The following ASXL3 variants were observed in gnomAD, a reference collection of about 807,000 sequenced individuals.
The protein encoded by ASXL3 is putative Polycomb group protein ASXL3.
ASXL3 carries 34 observed loss-of-function variants against 170.6 expected under a neutral mutation model. The ratio of observed to expected loss-of-function variants is 0.20; its 90% CI spans 0.15 to 0.27. The LOEUF (loss-of-function observed/expected upper bound fraction) is 0.27, where lower values mean the gene tolerates loss of function less well. Among genes scored for constraint, ASXL3 ranks in the 10% least tolerant of loss-of-function variants. The pLI is 1.00. For synonymous variants in ASXL3, 1,002 were observed against 989.1 expected (o/e 1.01, Z -0.24); for missense variants, 2,592 against 2,695.3 (o/e 0.96, Z 0.85).
intron 8 of ASXL3, among the ~76,000 whole-genome samples, chr18:33,691,246 C>A (rs990458209): frequency 2.0e-5 from 3 of 152,170 alleles, no homozygotes; most frequent in Non-Finnish European, 4.4e-5. Context: ...CATACAGTCC[C>A]CTCTCTGCCC....
chr18:33,737,881 C>T (rs2145409829), intron 10 of ASXL3, among the ~76,000 whole-genome samples: 1 of 152,128 alleles, frequency 6.6e-6, no homozygotes, highest in Non-Finnish European at 1.5e-5. Flanking sequence ...TTTCTTACAT[C>T]CTCTGAAAAC....
At chr18:33,718,854 T>TAATC (rs1406246322) in intron 8 of ASXL3, among the ~76,000 whole-genome samples, 1 of 152,040 alleles carries the variant, frequency 6.6e-6, no homozygotes, top group Non-Finnish European at 1.5e-5. Flanking sequence ...GTCCTTCCCA[T>TAATC]AATCAATGAA....
At position 33,750,348 on chromosome 18, in the gene ASXL3, A is replaced by G. The variant is rs1038149328; in HGVS notation, c.*3753A>G. The G allele has an allele frequency of 6.6e-6, 1 of 152,200 alleles. No homozygotes were observed. Among genetic ancestry groups the G allele is most frequent in the Non-Finnish European group, 1.5e-5 (1 of 68,028 alleles). The allele number at this position is 152,200 out of a possible 1,614,324, so 9.4% of individuals were successfully genotyped here. ...GAGCTGCTTTTTTATAGCACATACT[A>G]TTTCGCTTTGTACTATATTTGATAG... On this transcript the variant is annotated 3_prime_UTR_variant, in exon 12 of 12. Transcript: ENST00000269197.
intron 8 of ASXL3, among the ~76,000 whole-genome samples, chr18:33,697,542 C>T (rs1374875169): frequency 1.3e-5 from 2 of 152,102 alleles, no homozygotes; most frequent in South Asian, 2.1e-4. Flanking sequence ...GATTTGTGCT[C>T]AGTTTATAGT....
At chr18:33,640,072 ATTTATG>A (rs1437961313) in intron 2 of ASXL3, among the ~76,000 whole-genome samples, 1 of 151,994 alleles carries the variant, frequency 6.6e-6, no homozygotes, top group East Asian at 1.9e-4. Flanking sequence ...GATTATTCCC[ATTTATG>A]TTTATATTTT....
At chr18:33,638,190 A>G (rs2065798203) in intron 2 of ASXL3, among the ~76,000 whole-genome samples, 1 of 150,250 alleles carries the variant, frequency 6.7e-6, no homozygotes, top group South Asian at 2.1e-4. Flanking sequence ...TTATGTGTAT[A>G]TATATCTTAT....
Position 33,740,117 on chromosome 18 carries a change from A to G in ASXL3, c.2713A>G (p.Lys905Glu), listed in dbSNP as rs1201383994. The G allele has an allele frequency of 6.2e-7, 1 of 1,613,844 alleles. No homozygotes were observed. The highest frequency in any genetic ancestry group is 8.5e-7 in the Non-Finnish European group (1 of 1,179,866). The change falls in exon 11 of 12, where the codon AAG becomes GAG. Residue 905 changes from lysine to glutamate, a missense_variant. Lys to Glu is a moderately conservative substitution (Grantham distance 56). Transcript: ENST00000269197. The part of the protein sequence containing the change: ...NELPSAKLQD[K>E]QYISSVDKAP... ...GCTTCCATCTGCTAAATTACAGGACAAGCAATATATCTCATCAGTGGATAA... is the reference window on the plus strand; with the variant it reads ...GCTTCCATCTGCTAAATTACAGGACGAGCAATATATCTCATCAGTGGATAA...
At chr18:33,579,889 A>C (rs1350990747) in intron 1 of ASXL3, among the ~76,000 whole-genome samples, 1 of 152,210 alleles carries the variant, frequency 6.6e-6, no homozygotes, top group Non-Finnish European at 1.5e-5. Flanking sequence ...AACTGTAGTC[A>C]TTTTGAAAAG....
intron 8 of ASXL3, among the ~76,000 whole-genome samples, chr18:33,723,498 G>A (rs2067296316): frequency 6.6e-6 from 1 of 152,174 alleles, no homozygotes; most frequent in African/African-American, 2.4e-5. Flanking sequence ...GCCTGAAGAT[G>A]TGACTGAGTT....
At chr18:33,593,413 GT>G (rs1353981118) in intron 1 of ASXL3, among the ~76,000 whole-genome samples, 1 of 151,720 alleles carries the variant, frequency 6.6e-6, no homozygotes, top group Admixed American at 6.6e-5. Flanking sequence ...TTTCCCACCA[GT>G]TTCCACTCTT....
intron 8 of ASXL3, among the ~76,000 whole-genome samples, chr18:33,714,990 T>A (rs1282281085): frequency 6.6e-6 from 1 of 152,142 alleles, no homozygotes; most frequent in Non-Finnish European, 1.5e-5. Flanking sequence ...CAAATCCCAG[T>A]GAGAGTGAAC....
chr18:33,716,452 T>C (rs1175320943), intron 8 of ASXL3, among the ~76,000 whole-genome samples: 1 of 152,188 alleles, frequency 6.6e-6, no homozygotes, highest in Non-Finnish European at 1.5e-5. Context: ...ATAGAATCTA[T>C]TTTGGGAAAC....
intron 8 of ASXL3, among the ~76,000 whole-genome samples, chr18:33,688,054 C>T (rs1340667498): frequency 3.9e-5 from 6 of 152,178 alleles, no homozygotes; most frequent in African/African-American, 1.4e-4. Context: ...GCACTTGCCT[C>T]AGTGCATGGG....
In ASXL3 at chr18:33,745,587, T is replaced by C; in HGVS notation, c.5739T>C (p.Val1913=). The C allele has an allele frequency of 6.2e-7, 1 of 1,613,926 alleles. No individual in the cohort carries two copies. The highest frequency in any genetic ancestry group is 1.1e-5 in the South Asian group (1 of 91,074). The change falls in exon 12 of 12, where the codon GTT becomes GTC. Residue 1913 remains valine (V), a synonymous_variant. Coordinates refer to ENST00000269197, the MANE Select transcript of ASXL3 (RefSeq NM_030632.3). ...GCTTCCAGCAGAACCTATTTCATGTTGACAAGAATGGCGGCTTCCACACTG... is the reference window on the plus strand; with the variant it reads ...GCTTCCAGCAGAACCTATTTCATGTCGACAAGAATGGCGGCTTCCACACTG... ...SCSFQQNLFH[V]DKNGGFHTDA...
At chr18:33,608,110 C>T (rs1455905917) in intron 2 of ASXL3, among the ~76,000 whole-genome samples, 2 of 151,990 alleles carry the variant, frequency 1.3e-5, no homozygotes, top group Non-Finnish European at 2.9e-5. Context: ...TATTTAAGAA[C>T]TCTACTTGGT....
At chr18:33,628,507 C>A (rs1568288676) in intron 2 of ASXL3, among the ~76,000 whole-genome samples, 1 of 152,056 alleles carries the variant, frequency 6.6e-6, no homozygotes, top group Non-Finnish European at 1.5e-5. Flanking sequence ...TTAAGATTAT[C>A]AAATGAACAG....
At chr18:33,625,439 A>G (rs1191356012) in intron 2 of ASXL3, among the ~76,000 whole-genome samples, 1 of 152,184 alleles carries the variant, frequency 6.6e-6, no homozygotes, top group African/African-American at 2.4e-5. Context: ...TTTAGGAAGA[A>G]AACTACTTCA....
chr18:33,639,736 T>C (rs1327829123), intron 2 of ASXL3, among the ~76,000 whole-genome samples: 1 of 152,176 alleles, frequency 6.6e-6, no homozygotes, highest in Non-Finnish European at 1.5e-5. Flanking sequence ...GTCTATCTAA[T>C]GATATCTTGG....
chr18:33,587,967 T>A (rs1458405814), intron 1 of ASXL3, among the ~76,000 whole-genome samples: 1 of 152,136 alleles, frequency 6.6e-6, no homozygotes, highest in African/African-American at 2.4e-5. Flanking sequence ...TATCTGATAG[T>A]TGCTACATGT....
Sources: allele counts gnomAD v4.1 joint callset (sites outside exome capture counted in the v4.1 genomes callset), GRCh38; gene constraint gnomAD v4.1.1; transcripts MANE v1.5; gene names NCBI Gene and HGNC (gene_info 2026-07-23, HGNC 2026-07-21).